ANO3: variants seen among roughly 807,000 people sequenced by gnomAD.
ANO3 encodes the protein anoctamin-3.
A neutral mutation model predicts 144.8 loss-of-function variants in ANO3; 99 were observed. The observed-to-expected ratio is 0.68, with a 90% CI of 0.58 to 0.81. ANO3 has a LOEUF of 0.81. Among genes scored for constraint, ANO3 ranks in the 30% least tolerant of loss-of-function variants. The pLI, the probability that ANO3 is intolerant of heterozygous loss-of-function variation, is 0.00. For synonymous variants in ANO3, 414 were observed against 392.6 expected (o/e 1.05, Z -0.64); for missense variants, 905 against 1,202.2 (o/e 0.75, Z 3.66).
chr11:26,437,391 A>G lies in ANO3; in HGVS notation c.47-4527A>G, dbSNP rs112492396. ...TCTAACCTGAGGGTTGCAAATATCC[A>G]TGAGAGAAGAGTGGGTCCCCAAGGT... On this transcript the variant is annotated intron_variant, in intron 1 of 26. Coordinates refer to ENST00000256737, the MANE Select transcript of ANO3 (RefSeq NM_031418.4). 1.1e-3 allele frequency among the ~76,000 whole-genome samples: 164 copies of G among 152,326 alleles called. 1 individual carries two copies. Among genetic ancestry groups the G allele is most frequent in the African/African-American group, 3.8e-3 (159 of 41,590 alleles).
intron 4 of ANO3, among the ~76,000 whole-genome samples, chr11:26,482,826 C>G (rs1394189977): frequency 6.6e-6 from 1 of 152,088 alleles, no homozygotes; most frequent in African/African-American, 2.4e-5. Context: ...ATTTAGCTTG[C>G]ACTTATGTGA....
chr11:26,385,981 A>C (rs575781733), intron 1 of ANO3, among the ~76,000 whole-genome samples: 5 of 152,138 alleles, frequency 3.3e-5, no homozygotes, highest in Non-Finnish European at 7.4e-5. Context: ...GAGAGAACCT[A>C]GAAACAAGAT....
chr11:26,530,455 GTCTGTCTATCTA>G (rs1454976589), intron 7 of ANO3, among the ~76,000 whole-genome samples: 22 of 130,352 alleles, frequency 1.7e-4, no homozygotes, highest in African/African-American at 6.2e-4. Flanking sequence ...TCATCTATCT[GTCTGTCTATCTA>G]TCTATCTATC....
At chr11:26,632,847 C>T (rs7938517) in intron 18 of ANO3, among the ~76,000 whole-genome samples, 16,430 of 152,108 alleles carry the variant, frequency 0.11, 1,308 homozygotes, top group African/African-American at 0.23. Flanking sequence ...ACCTAAAAAT[C>T]TACATCCTCT....
At chr11:26,420,044 CT>C (rs1414192556) in intron 1 of ANO3, among the ~76,000 whole-genome samples, 2 of 151,910 alleles carry the variant, frequency 1.3e-5, no homozygotes, top group African/African-American at 4.8e-5. Flanking sequence ...GGTATTTTGT[CT>C]TGTATTAAAA....
intron 14 of ANO3, among the ~76,000 whole-genome samples, chr11:26,585,450 A>G (rs1378602582): frequency 3.9e-5 from 6 of 152,010 alleles, no homozygotes; most frequent in African/African-American, 1.4e-4. Flanking sequence ...ATATTTAACA[A>G]GTTTAATACA....
intron 14 of ANO3, among the ~76,000 whole-genome samples, chr11:26,571,498 T>C (rs1194684220): frequency 6.6e-6 from 1 of 152,076 alleles, no homozygotes; most frequent in Non-Finnish European, 1.5e-5. Flanking sequence ...TGTACAACAG[T>C]TTCCCAACTT....
chr11:26,400,143 C>T (rs1466974225), intron 1 of ANO3, among the ~76,000 whole-genome samples: 2 of 151,916 alleles, frequency 1.3e-5, no homozygotes, highest in Non-Finnish European at 2.9e-5. Flanking sequence ...GTTTTGCCTT[C>T]GTGCTGTTGA....
chr11:26,550,265 A>G (rs439763), intron 12 of ANO3, among the ~76,000 whole-genome samples: 107,894 of 151,558 alleles, frequency 0.71, 38,728 homozygotes, highest in East Asian at 0.84. Context: ...TTATTAATAA[A>G]TATTTATTAG....
At chr11:26,635,123 T>TA in intron 20 of ANO3, 53 bp downstream of exon 20, 2 of 1,504,138 alleles carry the variant, frequency 1.3e-6, no homozygotes, top group Non-Finnish European at 1.8e-6. Context: ...ATGGGCCAGT[T>TA]ACTGCGGGAG....
chr11:26,336,008 T>C (rs547628878), intron 1 of ANO3, among the ~76,000 whole-genome samples: 1 of 152,280 alleles, frequency 6.6e-6, no homozygotes, highest in East Asian at 1.9e-4. Context: ...GCAGTCTGCT[T>C]ATTTTTGATG....
At chr11:26,299,671 G>C (rs1854177495) in intron 1 of ANO3, among the ~76,000 whole-genome samples, 1 of 152,136 alleles carries the variant, frequency 6.6e-6, no homozygotes, top group African/African-American at 2.4e-5. Flanking sequence ...AGAATGGCAG[G>C]GGGTGCAGGG....
chr11:26,433,339 C>A (rs1481211268), intron 1 of ANO3, among the ~76,000 whole-genome samples: 11 of 152,144 alleles, frequency 7.2e-5, no homozygotes. Context: ...CATCAGCAGA[C>A]AGGGAAAATA....
intron 14 of ANO3, among the ~76,000 whole-genome samples, chr11:26,567,770 AG>A (rs1850651197): frequency 6.6e-6 from 1 of 151,980 alleles, no homozygotes; most frequent in Non-Finnish European, 1.5e-5. Flanking sequence ...CTCAAACCTA[AG>A]TGTTCATTAG....
intron 1 of ANO3, among the ~76,000 whole-genome samples, chr11:26,354,019 G>A (rs1423432949): frequency 1.3e-5 from 2 of 152,132 alleles, no homozygotes; most frequent in African/African-American, 2.4e-5. Flanking sequence ...AAATGCAAGG[G>A]TGATGAAATC....
At chr11:26,410,097 T>C (rs1207894413) in intron 1 of ANO3, among the ~76,000 whole-genome samples, 2 of 151,982 alleles carry the variant, frequency 1.3e-5, no homozygotes, top group Non-Finnish European at 2.9e-5. Context: ...GAGGTAGTAT[T>C]CAGTATTCAG....
chr11:26,287,629 G>C (rs1853839000), intron 1 of ANO3: 1 of 152,180 alleles, frequency 6.6e-6, no homozygotes, highest in South Asian at 2.1e-4. Context: ...CAAAGGCACA[G>C]AGACTCTAAG....
intron 1 of ANO3, among the ~76,000 whole-genome samples, chr11:26,201,722 G>A (rs1329281942): frequency 6.7e-6 from 1 of 148,336 alleles, no homozygotes; most frequent in Non-Finnish European, 1.5e-5. Context: ...GTAGTAATAT[G>A]TTTCATTCAA....
chr11:26,202,828 T>C (rs1478534514), intron 1 of ANO3, among the ~76,000 whole-genome samples: 1 of 152,050 alleles, frequency 6.6e-6, no homozygotes, highest in Admixed American at 6.6e-5. Context: ...AGGAGAATAG[T>C]TTATTTATGA....
Sources: allele counts gnomAD v4.1 joint callset (sites outside exome capture counted in the v4.1 genomes callset), GRCh38; gene constraint gnomAD v4.1.1; transcripts MANE v1.5; gene names NCBI Gene and HGNC (gene_info 2026-07-23, HGNC 2026-07-21).